NPHP3: variants seen among roughly 807,000 people sequenced by gnomAD.
NPHP3 encodes the protein nephrocystin-3.
Under a neutral mutation model 171.9 loss-of-function variants are expected in NPHP3, and 123 were observed. The ratio of observed to expected loss-of-function variants is 0.72; its 90% CI spans 0.62 to 0.83. The LOEUF is 0.83. Ranked by LOEUF, NPHP3 falls within the 40% of genes least tolerant of loss-of-function variation. The pLI, the probability that NPHP3 is intolerant of heterozygous loss-of-function variation, is 0.00. For synonymous variants in NPHP3, 558 were observed against 579.2 expected, an observed-to-expected ratio of 0.96 and a Z score of 0.52; for missense variants, 1,506 against 1,591.9, an observed-to-expected ratio of 0.95 and a Z score of 0.92.
chr3:132,687,184 A>T lies in NPHP3; in HGVS notation c.3168T>A (p.Ile1056=). Residue 1056 remains isoleucine, a synonymous_variant, in exon 22 of 27, where the codon ATT becomes ATA. Transcript: ENST00000337331. ...AEHFRKKSFK[I]HQKAIKKKGN... ...CTTTTTTCTTTATAGCTTTCTGATG[A>T]ATTTTAAAGGATTTTTTCCTAAAAT... is the stretch of plus-strand genomic sequence containing the variant. 6.8e-7 allele frequency: 1 copy of T among 1,475,724 alleles called. No homozygotes were observed. Among genetic ancestry groups the T allele is most frequent in the Non-Finnish European group, 9.5e-7 (1 of 1,057,186 alleles). 91.4% of individuals were successfully genotyped at this position (1,475,724 alleles called of 1,614,324 possible). A position where few individuals can be genotyped will look rare whatever the true frequency, so the allele number is the denominator to read the frequency against.
Position 132,715,161 on chromosome 3 carries a change from G to T in NPHP3, c.881C>A (p.Ser294Tyr), listed in dbSNP as rs1296852345. 6.2e-7 allele frequency: 1 copy of T among 1,608,886 alleles called. No individual in the cohort carries two copies. Among genetic ancestry groups the T allele is most frequent in the Non-Finnish European group, 8.5e-7 (1 of 1,175,528 alleles). ...LLQVTPLFSH[S>Y]LWSNTVRCYL... ...ACATCTGACAGTGTTACTCCACAGA[G>T]AATGTGAAAACAGAGGAGTAACTTG... is the stretch of plus-strand genomic sequence containing the variant. The change falls in exon 5 of 27, where the codon TCT (serine) becomes TAT (tyrosine). Residue 294 changes from serine to tyrosine, a missense_variant. Coordinates refer to ENST00000337331, the MANE Select transcript of NPHP3 (RefSeq NM_153240.5).
chr3:132,713,690 C>T (rs749031305), intron 5 of NPHP3, among the ~76,000 whole-genome samples: 1 of 151,958 alleles, frequency 6.6e-6, no homozygotes, highest in Non-Finnish European at 1.5e-5. Flanking sequence ...TATATCAGAA[C>T]GCTAAAGCAG....
Position 132,719,699 on chromosome 3 carries a change from AT to A in NPHP3, c.519+5del. On this transcript the variant is annotated splice_donor_5th_base_variant and intron_variant, in intron 2 of 26. Coordinates refer to ENST00000337331, the MANE Select transcript of NPHP3 (RefSeq NM_153240.5). ...TGCTTTGGGGGTAAAAATGTAAGGAATTTACCTTGAATTGCCTTTTAACTTT... is the reference window on the plus strand; with the variant it reads ...TGCTTTGGGGGTAAAAATGTAAGGAATTACCTTGAATTGCCTTTTAACTTT... The A allele has an allele frequency of 6.5e-7, 1 of 1,549,604 alleles. No homozygotes were observed. Among genetic ancestry groups the A allele is most frequent in the South Asian group, 1.3e-5 (1 of 78,430 alleles).
At position 132,722,204 on chromosome 3, in the gene NPHP3, G is replaced by T. The variant is rs577583077; in HGVS notation, c.152C>A (p.Ala51Glu). 19 of 1,510,702 alleles carry T rather than the reference G, an allele frequency of 1.3e-5. No individual in the cohort carries two copies. Among genetic ancestry groups the T allele is most frequent in the Middle Eastern group, 1.9e-4 (1 of 5,292 alleles). The allele number at this position is 1,510,702 out of a possible 1,614,324, so 93.6% of individuals were successfully genotyped here. ...LRNSFRRGAG[A>E]AAGAGPGSLP... ...CGACCCGGGCCCGGCCCCTGCTGCC[G>T]CCCCCGCGCCTCGGCGGAACGAGTT... The change falls in exon 1 of 27, where the codon GCG becomes GAG. Residue 51 changes from alanine to glutamate, a missense_variant. By Grantham distance (107) the Ala-to-Glu change is moderately radical. Around this residue, in one of 3 missense-constraint regions of NPHP3, gnomAD observed 930 missense variants for 924.9 expected, o/e 1.01. Coordinates refer to ENST00000337331, the MANE Select transcript of NPHP3 (RefSeq NM_153240.5).
At position 132,722,378 on chromosome 3, in the gene NPHP3, T is replaced by C. The variant is rs756246787; in HGVS notation, c.-23A>G. ...CATGGCGTCCGTTGCCGCTACTACC[T>C]AGTGAGTACCAGCAGGACTGGGCAG... On this transcript the variant is annotated 5_prime_UTR_variant, in exon 1 of 27. Transcript: ENST00000337331. 120 of 1,569,846 alleles carry C rather than the reference T, an allele frequency of 7.6e-5. No homozygotes were observed. The highest frequency in any genetic ancestry group is 1.0e-4 in the Non-Finnish European group (117 of 1,168,458).
At chr3:132,703,048 T>C (rs1365458184) in intron 9 of NPHP3, among the ~76,000 whole-genome samples, 1 of 152,224 alleles carries the variant, frequency 6.6e-6, no homozygotes, top group African/African-American at 2.4e-5. Context: ...AAAATAACAA[T>C]AGCAATACTT....
chr3:132,719,453 C>T (rs937126649), intron 2 of NPHP3, among the ~76,000 whole-genome samples: 11 of 152,138 alleles, frequency 7.2e-5, no homozygotes, highest in Admixed American at 3.9e-4. Context: ...TGCTTTTCCC[C>T]ATATGGAAAC....
In NPHP3 at chr3:132,700,365, G is replaced by A. The variant is rs748309289; in HGVS notation, c.1712C>T (p.Ser571Phe). Residue 571 changes from serine to phenylalanine, a missense_variant, in exon 11 of 27, where the codon TCC (serine) becomes TTC (phenylalanine). Coordinates refer to ENST00000337331, the MANE Select transcript of NPHP3 (RefSeq NM_153240.5). ...VGRPMSTSSESSLIIKRLTLK... is the reference protein window; with the variant it reads ...VGRPMSTSSEFSLIIKRLTLK... ...AGTTAGTCGTTTAATAATCAAGGAG[G>A]ACTCTGAGCTGGTTGACATGGGCCT... 5 of 1,610,908 alleles carry A rather than the reference G, an allele frequency of 3.1e-6. No individual in the cohort carries two copies. The highest frequency in any genetic ancestry group is 4.2e-6 in the Non-Finnish European group (5 of 1,177,198).
intron 21 of NPHP3, 106 bp downstream of exon 21, chr3:132,688,544 G>A: frequency 8.1e-7 from 1 of 1,229,446 alleles, no homozygotes; most frequent in Non-Finnish European, 1.2e-6. Context: ...ACTAGGCACA[G>A]GGTAAGGAAA....
At chr3:132,685,987 T>C in intron 23 of NPHP3, 1 of 357,660 alleles carries the variant, frequency 2.8e-6, no homozygotes, top group East Asian at 6.9e-5. Flanking sequence ...AGGTGGAGGT[T>C]GCAGTGAGCC....
intron 18 of NPHP3, 88 bp downstream of exon 18, chr3:132,691,102 CTT>C: frequency 2.0e-6 from 2 of 1,006,794 alleles, no homozygotes; most frequent in Non-Finnish European, 3.2e-6. Context: ...AGTTTTTGTA[CTT>C]TAAGTTGTAA....
intron 4 of NPHP3, among the ~76,000 whole-genome samples, chr3:132,715,505 A>G (rs955432885): frequency 1.3e-5 from 2 of 152,210 alleles, no homozygotes; most frequent in Admixed American, 6.5e-5. Context: ...TTAGTTGGTT[A>G]CCTGAAGTTA....
chr3:132,700,181 G>A (rs1229848445), intron 11 of NPHP3, 120 bp from the exon 12 acceptor site: 43 of 1,268,816 alleles, frequency 3.4e-5, no homozygotes, highest in Non-Finnish European at 4.2e-5. Context: ...GTCACCAAGA[G>A]GACCCGATTG....
At chr3:132,717,655 C>T (rs1019886980) in intron 3 of NPHP3, among the ~76,000 whole-genome samples, 2 of 151,390 alleles carry the variant, frequency 1.3e-5, no homozygotes, top group African/African-American at 4.9e-5. Flanking sequence ...AGTTTTGAAA[C>T]ACTGTACATT....
At chr3:132,686,740 A>G (rs549637730) in intron 22 of NPHP3, among the ~76,000 whole-genome samples, 1 of 152,354 alleles carries the variant, frequency 6.6e-6, no homozygotes, top group East Asian at 1.9e-4. Context: ...ACAGCATTTT[A>G]AATTAAAGAA....
chr3:132,719,903 C>T (rs890815665), intron 1 of NPHP3, 73 bp from the exon 2 acceptor site: 20 of 446,414 alleles, frequency 4.5e-5, no homozygotes, highest in Non-Finnish European at 6.4e-5. Flanking sequence ...TATATATATA[C>T]ATATATATAT....
At chr3:132,715,320 G>A in intron 4 of NPHP3, 102 bp from the exon 5 acceptor site, 1 of 918,152 alleles carries the variant, frequency 1.1e-6, no homozygotes. Context: ...AATGGAATCT[G>A]ATCTTACATG....
In NPHP3 at chr3:132,722,299, C is replaced by T; in HGVS notation, c.57G>A (p.Thr19=). Residue 19 remains threonine, a synonymous_variant, in exon 1 of 27, where the codon ACG becomes ACA. Coordinates refer to ENST00000337331, the MANE Select transcript of NPHP3 (RefSeq NM_153240.5). ...AGGCCTCGCCGCCGCCCGCCCCGTA[C>T]GTGTCCTCGATCACTTCCCCGCCCG... ...SPAGGEVIED[T]YGAGGGEACE... The T allele has an allele frequency of 6.3e-7, 1 of 1,580,976 alleles. No individual in the cohort carries two copies. The highest frequency in any genetic ancestry group is 1.1e-5 in the South Asian group (1 of 89,058).
At chr3:132,688,914 G>T (rs780400765) in intron 20 of NPHP3, 23 bp from the exon 21 acceptor site, 2 of 1,613,870 alleles carry the variant, frequency 1.2e-6, no homozygotes, top group East Asian at 2.2e-5. Flanking sequence ...GGGGTGAAAG[G>T]CCAGTTAAAG....
Sources: gnomAD v4.1 joint callset for allele counts (sites outside exome capture counted in the v4.1 genomes callset) on GRCh38, gnomAD v4.1.1 for gene constraint, gnomAD v4.1.1 regional missense constraint, MANE v1.5 for transcripts, NCBI Gene and HGNC (gene_info 2026-07-23, HGNC 2026-07-21) for gene names.